NCOA6: variants seen among roughly 807,000 people sequenced by gnomAD.
NCOA6 encodes nuclear receptor coactivator 6.
A neutral mutation model predicts 171.4 loss-of-function variants in NCOA6; 49 were observed. The observed-to-expected ratio is 0.29, with a 90% CI of 0.23 to 0.36. The LOEUF (loss-of-function observed/expected upper bound fraction) is 0.36, where lower values mean the gene tolerates loss of function less well. Among genes scored for constraint, NCOA6 ranks in the 10% least tolerant of loss-of-function variants. NCOA6 has a pLI of 1.00. For synonymous variants in NCOA6, 910 were observed against 927.5 expected, an observed-to-expected ratio of 0.98 and a Z score of 0.34; for missense variants, 2,248 against 2,554.5, an observed-to-expected ratio of 0.88 and a Z score of 2.59.
In NCOA6 at chr20:34,749,644, T is replaced by G. The variant is rs373342529; in HGVS notation, c.2551A>C (p.Met851Leu). ...CCACTGAAAGGTGCATTGAAAGACA[T>G]CCCATGGCCTGAGAAGTGGTTTCCC... ...ASGNHFSGHG[M>L]SFNAPFSGAP... Residue 851 changes from methionine (M) to leucine (L), a missense_variant, in exon 9 of 15, where the codon ATG becomes CTG. Physicochemically the swap from Met to Leu is conservative, Grantham distance 15 (BLOSUM62 2). Transcript: ENST00000359003. 1.7e-5 allele frequency: 28 copies of G among 1,614,050 alleles called. No individual in the cohort carries two copies. The highest frequency in any genetic ancestry group is 2.1e-5 in the Non-Finnish European group (25 of 1,180,040).
rs200621827 is a variant in NCOA6 at position 34,758,822 on chromosome 20, C to T, written c.626G>A (p.Arg209His). The stretch of plus-strand genomic sequence containing the variant: ...GTCATTACCTGACTGAGAAGCAGGG[C>T]GAGGAGTCCTGGGCTGCAGCTCTGG... ...PNPELQPRTPRPASQSDAMDP... is the reference protein window; with the variant it reads ...PNPELQPRTPHPASQSDAMDP... Residue 209 changes from arginine (R) to histidine (H), a missense_variant, in exon 6 of 15, where the codon CGC becomes CAC. Transcript: ENST00000359003. 17 of 1,612,754 alleles carry T rather than the reference C, an allele frequency of 1.1e-5. No homozygotes were observed. The highest frequency in any genetic ancestry group is 6.7e-5 in the East Asian group (3 of 44,868).
Position 34,740,439 on chromosome 20 carries a change from GCCA to G in NCOA6, c.5814_5816del (p.Gly1939del). 1 of 1,614,198 alleles carries G rather than the reference GCCA, an allele frequency of 6.2e-7. No homozygotes were observed. Among genetic ancestry groups the G allele is most frequent in the African/African-American group, 1.3e-5 (1 of 75,050 alleles). On this transcript the variant is annotated inframe_deletion, in exon 11 of 15. Coordinates refer to ENST00000359003, the MANE Select transcript of NCOA6 (RefSeq NM_014071.5). ...CACCCGCAAGTGACTCAGATGCTAT[GCCA>G]CCATGATTGCTTTTTGTGGTCGGTA...
At position 34,764,150 on chromosome 20, in the gene NCOA6, C is replaced by T. The variant is rs140847755; in HGVS notation, c.514+4314G>A. 9.9e-3 allele frequency among the ~76,000 whole-genome samples: 1,487 copies of T among 150,538 alleles called. 23 individuals are homozygous for T. Among genetic ancestry groups the T allele is most frequent in the African/African-American group, 0.033 (1,354 of 40,966 alleles). ...TCACCCAGGCTGGAGTGCAGTGGCG[C>T]GATCTCGGCTCACTGCAAGCTCCGC... is the stretch of plus-strand genomic sequence containing the variant. On this transcript the variant is annotated intron_variant, in intron 5 of 14. Transcript: ENST00000359003.
chr20:34,792,383 G>GAAA (rs755498905), intron 2 of NCOA6, 67 bp downstream of exon 2: 8 of 318,710 alleles, frequency 2.5e-5, no homozygotes, highest in East Asian at 4.3e-5. Context: ...GACAGTATCA[G>GAAA]AAAAAAAAAA....
chr20:34,822,756 T>C (rs562792575), intron 1 of NCOA6, among the ~76,000 whole-genome samples: 2 of 152,350 alleles, frequency 1.3e-5, no homozygotes, highest in Non-Finnish European at 2.9e-5. Context: ...GTAGGGTTTC[T>C]TAACCTGGGG....
intron 9 of NCOA6, among the ~76,000 whole-genome samples, chr20:34,747,310 G>C (rs929485156): frequency 6.6e-6 from 1 of 152,126 alleles, no homozygotes; most frequent in Non-Finnish European, 1.5e-5. Flanking sequence ...CAACTAGGGG[G>C]TCTGATTGTT....
chr20:34,807,304 T>TAAGATGAGACAC (rs2078486126), intron 1 of NCOA6, among the ~76,000 whole-genome samples: 1 of 152,142 alleles, frequency 6.6e-6, no homozygotes, highest in South Asian at 2.1e-4. Context: ...AGCCAAGCGC[T>TAAGATGAGACAC]AAGATGAGAC....
chr20:34,817,887 G>A (rs1330143605), intron 1 of NCOA6, among the ~76,000 whole-genome samples: 1 of 152,098 alleles, frequency 6.6e-6, no homozygotes, highest in Non-Finnish European at 1.5e-5. Flanking sequence ...CATCACTGGC[G>A]AAAAACATTT....
chr20:34,735,245 GT>G (rs1468522447), intron 12 of NCOA6, among the ~76,000 whole-genome samples: 1 of 152,116 alleles, frequency 6.6e-6, no homozygotes, highest in Admixed American at 6.5e-5. Flanking sequence ...CCAAAAATGA[GT>G]TTTGCTGTAT....
At chr20:34,793,642 G>A (rs1443957087) in intron 1 of NCOA6, among the ~76,000 whole-genome samples, 1 of 151,124 alleles carries the variant, frequency 6.6e-6, no homozygotes, top group Non-Finnish European at 1.5e-5. Flanking sequence ...TAATAATAAA[G>A]CCATAAGAGA....
At chr20:34,755,351 A>G (rs980160640) in intron 7 of NCOA6, among the ~76,000 whole-genome samples, 1 of 152,230 alleles carries the variant, frequency 6.6e-6, no homozygotes. Context: ...AGGGAAACTG[A>G]TGGCAATCTC....
intron 3 of NCOA6, among the ~76,000 whole-genome samples, chr20:34,781,241 C>T (rs1315700396): frequency 6.6e-6 from 1 of 152,132 alleles, no homozygotes; most frequent in Non-Finnish European, 1.5e-5. Context: ...ATAAAACCCC[C>T]AAGCCTTAAA....
In NCOA6 at chr20:34,742,868, C is replaced by T. The variant is rs150644704; in HGVS notation, c.3388G>A (p.Ala1130Thr). The T allele has an allele frequency of 1.3e-4, 216 of 1,614,192 alleles. No individual in the cohort carries two copies. The African/African-American group carries it at 1.8e-3, about 13-fold the overall frequency. Residue 1130 changes from alanine (A) to threonine (T), a missense_variant, in exon 11 of 15, where the codon GCC becomes ACC. Coordinates refer to ENST00000359003, the MANE Select transcript of NCOA6 (RefSeq NM_014071.5). ...CTGCCACTTGCTTCAGGGAGTGAGG[C>T]CATCTCCGCCAGTGGCGAGCTGGAA... ...NPSSSPLAEM[A>T]SLPEASGSEA...
chr20:34,740,507 T>A lies in NCOA6; in HGVS notation c.5749A>T (p.Ile1917Leu). 1 of 1,614,124 alleles carries A rather than the reference T, an allele frequency of 6.2e-7. No homozygotes were observed. The highest frequency in any genetic ancestry group is 8.5e-7 in the Non-Finnish European group (1 of 1,180,022). ...TCGGAGGGTACCAGAGTGGTTACTA[T>A]CGAGCGTACACTGGTGGGGAGAGCA... ...GGALPTSVRS[I>L]VTTLVPSELI... The change falls in exon 11 of 15, where the codon ATA (isoleucine) becomes TTA (leucine). Residue 1917 changes from isoleucine (I) to leucine (L), a missense_variant. Transcript: ENST00000359003.
chr20:34,763,604 G>A (rs972895073), intron 5 of NCOA6, among the ~76,000 whole-genome samples: 1 of 152,126 alleles, frequency 6.6e-6, no homozygotes, highest in African/African-American at 2.4e-5. Flanking sequence ...GACTTGGGTT[G>A]AGAAAATACG....
intron 4 of NCOA6, among the ~76,000 whole-genome samples, chr20:34,770,417 C>A (rs990062284): frequency 2.6e-5 from 4 of 151,966 alleles, no homozygotes; most frequent in African/African-American, 9.7e-5. Flanking sequence ...CTGGGAGCTA[C>A]CAGATGCTAT....
chr20:34,758,026 T>G lies in NCOA6; in HGVS notation c.722A>C (p.His241Pro), dbSNP rs757635641. ...GTTCACAGAGACAGGCTGCATTGGGTGATGTGGGGGAGCTAAAGATCCTGA... is the reference window on the plus strand; with the variant it reads ...GTTCACAGAGACAGGCTGCATTGGGGGATGTGGGGGAGCTAAAGATCCTGA... ...HPSGSLAPPH[H>P]PMQPVSVNRQ... The change falls in exon 7 of 15, where the codon CAC becomes CCC. Residue 241 changes from histidine to proline, a missense_variant. Around this residue, in one of 7 missense-constraint regions of NCOA6, gnomAD observed 987 missense variants for 1,104.7 expected, o/e 0.89. Transcript: ENST00000359003. 14 of 1,613,946 alleles carry G rather than the reference T, an allele frequency of 8.7e-6. No individual in the cohort carries two copies. Among genetic ancestry groups the G allele is most frequent in the Non-Finnish European group, 1.2e-5 (14 of 1,179,994 alleles).
At chr20:34,810,048 CAA>C (rs1460237384) in intron 1 of NCOA6, among the ~76,000 whole-genome samples, 17 of 152,202 alleles carry the variant, frequency 1.1e-4, no homozygotes, top group Non-Finnish European at 2.4e-4. Flanking sequence ...TTATAATCAT[CAA>C]AGAGGCTCAA....
intron 11 of NCOA6, among the ~76,000 whole-genome samples, chr20:34,737,698 TCA>T (rs1030973905): frequency 2.6e-5 from 4 of 152,230 alleles, no homozygotes; most frequent in African/African-American, 9.6e-5. Context: ...TCTTGACATC[TCA>T]GTCTAAAATC....
Sources: allele counts gnomAD v4.1 joint callset (sites outside exome capture counted in the v4.1 genomes callset), GRCh38; gene constraint gnomAD v4.1.1; regional missense constraint gnomAD v4.1.1; transcripts MANE v1.5; gene names NCBI Gene and HGNC (gene_info 2026-07-23, HGNC 2026-07-21).